NALCN: variants seen among roughly 807,000 people sequenced by gnomAD.
The protein encoded by NALCN is sodium leak channel, non-selective.
In NALCN, 111 loss-of-function variants were observed where a neutral mutation model predicts 225.3. That is an observed-to-expected ratio of 0.49 (90% CI 0.42 to 0.58). NALCN has a LOEUF of 0.58. NALCN is among the 20% of genes least tolerant of loss of function. The pLI, the probability that NALCN is intolerant of heterozygous loss-of-function variation, is 0.00. For synonymous variants in NALCN, 764 were observed against 769.0 expected (o/e 0.99, Z 0.11); for missense variants, 1,378 against 2,202.4 (o/e 0.63, Z 7.49).
chr13:101,114,382 C>T (rs1469988777), intron 18 of NALCN, among the ~76,000 whole-genome samples: 4 of 151,950 alleles, frequency 2.6e-5, no homozygotes, highest in African/African-American at 9.7e-5. Context: ...GTATCTTTTC[C>T]CGCGTCATGG....
At chr13:101,109,605 C>G (rs1407710222) in intron 20 of NALCN, among the ~76,000 whole-genome samples, 1 of 152,216 alleles carries the variant, frequency 6.6e-6, no homozygotes, top group East Asian at 1.9e-4. Context: ...TCTGAACATT[C>G]AAGATTACTT....
chr13:101,257,208 TG>T lies in NALCN; in HGVS notation c.1266+1234del, dbSNP rs1331887839. Among the ~76,000 whole-genome samples, 23 of 124,320 alleles carry T rather than the reference TG, an allele frequency of 1.9e-4. No homozygotes were observed. In the South Asian group the frequency reaches 4.4e-3, roughly 24 times the overall value. 81.6% of individuals were successfully genotyped at this position (124,320 alleles called of 152,430 possible). A position where few individuals can be genotyped will look rare whatever the true frequency, so the allele number is the denominator to read the frequency against. On this transcript the variant is annotated intron_variant, in intron 11 of 43. Transcript: ENST00000251127. ...ATAGCACAAAACTCTTATTGTTTAT[TG>T]TTTTTTTTTTTTTTTTTTGCTAGAT...
intron 17 of NALCN, among the ~76,000 whole-genome samples, chr13:101,137,558 G>A (rs532656145): frequency 6.6e-6 from 1 of 152,074 alleles, no homozygotes; most frequent in Non-Finnish European, 1.5e-5. Flanking sequence ...AATCTTACCA[G>A]AATGACCTAA....
At chr13:101,195,764 C>A (rs900141758) in intron 13 of NALCN, among the ~76,000 whole-genome samples, 2 of 152,122 alleles carry the variant, frequency 1.3e-5, no homozygotes, top group Admixed American at 6.6e-5. Flanking sequence ...ATGTAAATCT[C>A]GATTTCTTTT....
intron 7 of NALCN, among the ~76,000 whole-genome samples, chr13:101,311,955 C>G (rs1470810374): frequency 6.6e-6 from 1 of 152,036 alleles, no homozygotes; most frequent in Non-Finnish European, 1.5e-5. Flanking sequence ...CTCCTTGTAC[C>G]TCTGGTAGAA....
chr13:101,149,350 T>A (rs2037523532), intron 15 of NALCN, among the ~76,000 whole-genome samples: 1 of 152,110 alleles, frequency 6.6e-6, no homozygotes, highest in South Asian at 2.1e-4. Flanking sequence ...TTATATTTTA[T>A]CGAATATCCT....
intron 28 of NALCN, among the ~76,000 whole-genome samples, chr13:101,093,990 G>C (rs143127228): frequency 6.6e-6 from 1 of 152,330 alleles, no homozygotes; most frequent in East Asian, 1.9e-4. Context: ...TTGTGCATCT[G>C]ATACAATTGG....
At chr13:101,130,412 GTAGT>G (rs1383760526) in intron 17 of NALCN, among the ~76,000 whole-genome samples, 9 of 152,148 alleles carry the variant, frequency 5.9e-5, no homozygotes, top group African/African-American at 2.2e-4. Context: ...TTGTCCTTAT[GTAGT>G]TAGTTGTTAC....
At chr13:101,360,513 A>T (rs1300699147) in intron 6 of NALCN, among the ~76,000 whole-genome samples, 2 of 152,100 alleles carry the variant, frequency 1.3e-5, no homozygotes, top group African/African-American at 4.8e-5. Flanking sequence ...GATTACAGGC[A>T]TGAGCCACCG....
intron 15 of NALCN, among the ~76,000 whole-genome samples, chr13:101,149,398 C>T (rs914476517): frequency 6.6e-6 from 1 of 152,146 alleles, no homozygotes; most frequent in African/African-American, 2.4e-5. Context: ...TACCAACAGT[C>T]ACCTTGTTTA....
Position 101,283,980 on chromosome 13 carries a change from C to T in NALCN, c.1087G>A (p.Ala363Thr), listed in dbSNP as rs2043254590. The stretch of plus-strand genomic sequence containing the variant: ...CCCTGGGGCTTGTTGACATCCACAG[C>T]TACCAGCTGCCAACCTCCAGCAGCA... ...EDAAGGWQLV[A>T]VDVNKPQGRA... is the part of the protein sequence containing the mutation. The change falls in exon 10 of 44, where the codon GCT (alanine) becomes ACT (threonine). Residue 363 changes from alanine (A) to threonine (T), a missense_variant. Ala to Thr is a moderately conservative substitution (Grantham distance 58). Around this residue, in one of 19 missense-constraint regions of NALCN, gnomAD observed 144 missense variants for 187.7 expected, o/e 0.77. Coordinates refer to ENST00000251127, the MANE Select transcript of NALCN (RefSeq NM_052867.4). The T allele has an allele frequency of 6.2e-7, 1 of 1,613,628 alleles. No individual in the cohort carries two copies. The highest frequency in any genetic ancestry group is 1.3e-5 in the African/African-American group (1 of 74,922).
intron 7 of NALCN, among the ~76,000 whole-genome samples, chr13:101,301,741 GA>G (rs35848778): frequency 0.023 from 3,355 of 144,536 alleles, 62 homozygotes; most frequent in South Asian, 0.043. Context: ...GACAAGACAA[GA>G]AAAAAAAAAA....
At chr13:101,176,864 C>A (rs981804279) in intron 14 of NALCN, among the ~76,000 whole-genome samples, 16 of 152,186 alleles carry the variant, frequency 1.1e-4, no homozygotes, top group Admixed American at 2.6e-4. Context: ...TTCAAGATGG[C>A]CTCCAGCGTT....
At chr13:101,213,595 A>G (rs1438268858) in intron 13 of NALCN, among the ~76,000 whole-genome samples, 1 of 152,182 alleles carries the variant, frequency 6.6e-6, no homozygotes, top group Non-Finnish European at 1.5e-5. Flanking sequence ...TTAAATTTAC[A>G]AGAAAAAATC....
chr13:101,119,845 A>T (rs879498395), intron 18 of NALCN, among the ~76,000 whole-genome samples: 8 of 152,138 alleles, frequency 5.3e-5, no homozygotes, highest in Non-Finnish European at 1.0e-4. Context: ...AAAAACAACA[A>T]CTCAGATGCC....
chr13:101,269,211 C>CATATATATATATAT lies in NALCN; in HGVS notation c.1135-10651_1135-10638dup, dbSNP rs60240326. Among the ~76,000 whole-genome samples the CATATATATATATAT allele has an allele frequency of 4.1e-5, 6 of 145,562 alleles. No individual in the cohort carries two copies. The South Asian group carries it at 9.0e-4, about 22-fold the overall frequency. On this transcript the variant is annotated intron_variant, in intron 10 of 43. Transcript: ENST00000251127. The stretch of plus-strand genomic sequence containing the variant: ...GTGTCCAGAAAGAGTAGAAAAAGCT[C>CATATATATATATAT]ATATATATATATATATATATATATA...
Position 101,103,104 on chromosome 13 carries a change from T to G in NALCN, c.3057+68A>C, listed in dbSNP as rs557307324. On this transcript the variant is annotated intron_variant, in intron 26 of 43. Transcript: ENST00000251127. ...ATTGACCTCAATAAGCAAGACTCAC[T>G]TTTCCCTCATTAGCTGCATTAGAGG... is the stretch of plus-strand genomic sequence containing the variant. 1.3e-4 allele frequency: 198 copies of G among 1,545,442 alleles called. 1 individual carries two copies. The African/African-American group carries it at 2.3e-3, about 18-fold the overall frequency.
At chr13:101,175,957 T>G (rs2038941419) in intron 15 of NALCN, among the ~76,000 whole-genome samples, 1 of 152,206 alleles carries the variant, frequency 6.6e-6, no homozygotes. Context: ...TAAAGACTAT[T>G]ACATATAATT....
At chr13:101,315,920 A>G (rs1347682475) in intron 7 of NALCN, among the ~76,000 whole-genome samples, 3 of 151,902 alleles carry the variant, frequency 2.0e-5, no homozygotes, top group Non-Finnish European at 4.4e-5. Flanking sequence ...TATGCTCCTG[A>G]TCTGTCTTCA....
Sources: gnomAD v4.1 joint callset for allele counts (sites outside exome capture counted in the v4.1 genomes callset) on GRCh38, gnomAD v4.1.1 for gene constraint, gnomAD v4.1.1 regional missense constraint, MANE v1.5 for transcripts, NCBI Gene and HGNC (gene_info 2026-07-23, HGNC 2026-07-21) for gene names.